Variants in GOLGA8H observed in about 807,000 individuals in gnomAD.
GOLGA8H encodes the protein golgin A8 family member H.
In GOLGA8H, 47 loss-of-function variants were observed where a neutral mutation model predicts 82.7. That is an observed-to-expected ratio of 0.57 (90% confidence interval 0.45 to 0.73). The LOEUF is 0.73. Among genes scored for constraint, GOLGA8H ranks in the 30% least tolerant of loss-of-function variants. The probability of loss-of-function intolerance (pLI) is 0.00; values close to 1 mark genes in which losing one functional copy is unlikely to be tolerated. For missense variants in GOLGA8H, 372 were observed against 661.0 expected (o/e 0.56, Z 4.79); for synonymous variants, 108 against 241.6 (o/e 0.45, Z 5.13).
rs759629113 is a variant in GOLGA8H, at chr15:30,605,931, C to G, written c.137C>G (p.Ala46Gly). The change falls in exon 2 of 19, where the codon GCC (alanine) becomes GGC (glycine). Residue 46 changes from alanine (A) to glycine (G), a missense_variant. Ala to Gly is a moderately conservative substitution (Grantham distance 60). Transcript: ENST00000566740. ...ACAAATGGCAGTGTCCCTGAGAAAG[C>G]CACTTCTGGTGGTTGCCAGCCACCT... ...RKTNGSVPEK[A>G]TSGGCQPPGD... The G allele has an allele frequency of 8.1e-6, 13 of 1,596,770 alleles. No individual in the cohort carries two copies. In the South Asian group the frequency reaches 1.0e-4, roughly 12 times the overall value.
Position 30,609,828 on chromosome 15 carries a change from G to C in GOLGA8H, c.614G>C (p.Arg205Pro), listed in dbSNP as rs764671073. ...CAGTTGTCCAGCCGCAGCAAAGCAC[G>C]TACGGAGTGGAAGTTAGAGCAGTCC... ...ANQLSSRSKA[R>P]TEWKLEQSMR... Residue 205 changes from arginine (R) to proline (P), a missense_variant, in exon 9 of 19, where the codon CGT (arginine) becomes CCT (proline). Coordinates refer to ENST00000566740, the MANE Select transcript of GOLGA8H (RefSeq NM_001282490.2). 2.5e-6 allele frequency: 4 copies of C among 1,588,940 alleles called. No individual in the cohort carries two copies. The Admixed American group carries it at 5.2e-5, about 21-fold the overall frequency.
intron 2 of GOLGA8H, among the ~76,000 whole-genome samples, chr15:30,606,367 A>G (rs2059924010): frequency 6.7e-6 from 1 of 150,196 alleles, no homozygotes; most frequent in African/African-American, 2.5e-5. Context: ...AAAAAAAAAA[A>G]AGGAATTCTG....
intron 2 of GOLGA8H, among the ~76,000 whole-genome samples, 163 bp downstream of exon 2, chr15:30,606,125 C>G (rs2059920473): frequency 6.6e-6 from 1 of 151,628 alleles, no homozygotes; most frequent in Non-Finnish European, 1.5e-5. Flanking sequence ...GAGGCCAAGG[C>G]AGGCGGATCA....
At chr15:30,609,965 C>G (rs770426752) in intron 9 of GOLGA8H, 34 bp from the exon 10 acceptor site, 22 of 1,606,622 alleles carry the variant, frequency 1.4e-5, no homozygotes, top group African/African-American at 4.0e-5. Flanking sequence ...GGACCAGTGA[C>G]AGCCCTTCCT....
intron 8 of GOLGA8H, 96 bp from the exon 9 acceptor site, chr15:30,609,710 A>T: frequency 6.6e-7 from 1 of 1,513,938 alleles, no homozygotes; most frequent in Non-Finnish European, 9.1e-7. Flanking sequence ...TTACTGACTG[A>T]GTTGTATATT....
chr15:30,606,364 A>C (rs1391652651), intron 2 of GOLGA8H, among the ~76,000 whole-genome samples: 1 of 150,452 alleles, frequency 6.6e-6, no homozygotes. Flanking sequence ...AAGAAAAAAA[A>C]AAAAGGAATT....
chr15:30,611,477 C>G (rs1053310923), intron 13 of GOLGA8H, 131 bp downstream of exon 13: 130 of 1,535,586 alleles, frequency 8.5e-5, no homozygotes, highest in Non-Finnish European at 1.1e-4. Flanking sequence ...CCCCGCAGGG[C>G]AGTCCTGTGA....
chr15:30,611,490 G>T, intron 13 of GOLGA8H, 144 bp downstream of exon 13: 1 of 1,522,598 alleles, frequency 6.6e-7, no homozygotes, highest in Admixed American at 2.0e-5. Context: ...TCCTGTGACT[G>T]TTTCTTGCTT....
In GOLGA8H at chr15:30,615,600, T is replaced by C. The variant is rs999665286; in HGVS notation, c.*1039T>C. 6.8e-6 allele frequency among the ~76,000 whole-genome samples: 1 copy of C among 146,184 alleles called. No homozygotes were observed. The highest frequency in any genetic ancestry group is 2.6e-5 in the African/African-American group (1 of 39,018). ...AAGAAATCCTTTATGAGTTCAAACG[T>C]CCCTGGAACAGGCATACAGGCTCTA... On this transcript the variant is annotated 3_prime_UTR_variant, in exon 19 of 19. Coordinates refer to ENST00000566740, the MANE Select transcript of GOLGA8H (RefSeq NM_001282490.2).
At chr15:30,606,480 A>T (rs868400399) in intron 2 of GOLGA8H, among the ~76,000 whole-genome samples, 8 of 150,796 alleles carry the variant, frequency 5.3e-5, no homozygotes, top group African/African-American at 1.5e-4. Context: ...AATAGAGGTG[A>T]TATTGTTTCA....
Position 30,609,048 on chromosome 15 carries a change from T to G in GOLGA8H, c.591+292T>G, listed in dbSNP as rs1476778376. On this transcript the variant is annotated intron_variant, in intron 8 of 18. Coordinates refer to ENST00000566740, the MANE Select transcript of GOLGA8H (RefSeq NM_001282490.2). ...AAGTCCTAGGTGGGGTATTGGGTACTTCTACTGTGAAGGTACAGAAGAGTA... is the reference window on the plus strand; with the variant it reads ...AAGTCCTAGGTGGGGTATTGGGTACGTCTACTGTGAAGGTACAGAAGAGTA... Among the ~76,000 whole-genome samples, 34 of 132,898 alleles carry G rather than the reference T, an allele frequency of 2.6e-4. No individual in the cohort carries two copies. The South Asian group carries it at 7.6e-3, about 30-fold the overall frequency. 87.2% of individuals were successfully genotyped at this position (132,898 alleles called of 152,430 possible).
chr15:30,608,864 T>C lies in GOLGA8H; in HGVS notation c.591+108T>C, dbSNP rs1343551053. ...GGCGTGTCCTGCCCAGAAGGCAGCATGGCCATTTCTTGCTACTTTTTTGTA... is the reference window on the plus strand; with the variant it reads ...GGCGTGTCCTGCCCAGAAGGCAGCACGGCCATTTCTTGCTACTTTTTTGTA... On this transcript the variant is annotated intron_variant, in intron 8 of 18. Coordinates refer to ENST00000566740, the MANE Select transcript of GOLGA8H (RefSeq NM_001282490.2). The C allele has an allele frequency of 6.5e-5, 64 of 981,902 alleles. 1 individual carries two copies. The South Asian group carries it at 7.7e-4, about 12-fold the overall frequency. 60.8% of individuals were successfully genotyped at this position (981,902 alleles called of 1,614,324 possible). A position where few individuals can be genotyped will look rare whatever the true frequency, so the allele number is the denominator to read the frequency against.
Position 30,608,699 on chromosome 15 carries a change from A to G in GOLGA8H, c.534A>G (p.Gly178=). 1 of 1,541,308 alleles carries G rather than the reference A, an allele frequency of 6.5e-7. No individual in the cohort carries two copies. Among genetic ancestry groups the G allele is most frequent in the Non-Finnish European group, 8.8e-7 (1 of 1,135,000 alleles). The change falls in exon 8 of 19, where the codon GGA becomes GGG. Residue 178 remains glycine, a synonymous_variant. Coordinates refer to ENST00000566740, the MANE Select transcript of GOLGA8H (RefSeq NM_001282490.2). ...VCLQHSLQRK[G]ELESVLSNVM... The stretch of plus-strand genomic sequence containing the variant: ...TGCAACATTCATTGCAGCGTAAAGG[A>G]GAGTTAGAGAGTGTTCTCTCTAATG...
At position 30,614,980 on chromosome 15, in the gene GOLGA8H, CT is replaced by C. The variant is rs1157582943; in HGVS notation, c.*420del. The stretch of plus-strand genomic sequence containing the variant: ...TCAGACAAAATTTGCCTATGTTCTG[CT>C]GTTGTTTGATCTAATCTTAATCACA... On this transcript the variant is annotated 3_prime_UTR_variant, in exon 19 of 19. Coordinates refer to ENST00000566740, the MANE Select transcript of GOLGA8H (RefSeq NM_001282490.2). Among the ~76,000 whole-genome samples the C allele has an allele frequency of 1.3e-5, 2 of 151,760 alleles. No homozygotes were observed. Among genetic ancestry groups the C allele is most frequent in the East Asian group, 3.9e-4 (2 of 5,136 alleles).
rs1327079291 is a variant in GOLGA8H, at chr15:30,614,568, C to A, written c.*7C>A. ...GCCAAGAAGAAGGAGATAAACATCA[C>A]CATCCTCAAAGAGCTGCTCAAGAAA... On this transcript the variant is annotated 3_prime_UTR_variant, in exon 19 of 19. Coordinates refer to ENST00000566740, the MANE Select transcript of GOLGA8H (RefSeq NM_001282490.2). 2.5e-6 allele frequency: 4 copies of A among 1,598,636 alleles called. 1 individual carries two copies. Among genetic ancestry groups the A allele is most frequent in the Non-Finnish European group, 2.5e-6 (3 of 1,179,358 alleles).
rs1433611921 is a variant in GOLGA8H at position 30,608,460 on chromosome 15, C to T, written c.397-7C>T. On this transcript the variant is annotated splice_region_variant and splice_polypyrimidine_tract_variant and intron_variant, in intron 6 of 18. Transcript: ENST00000566740. ...CTTTCAGCACTTGCTTGGCTTTTCT[C>T]CCAAAGGTTCAAATCCAGACATTGA... 2 of 1,609,566 alleles carry T rather than the reference C, an allele frequency of 1.2e-6. No individual in the cohort carries two copies. Among genetic ancestry groups the T allele is most frequent in the Middle Eastern group, 2.0e-4 (1 of 5,048 alleles).
rs770584655 is a variant in GOLGA8H, at chr15:30,608,600, T to C, written c.482-47T>C. 1.7e-5 allele frequency: 28 copies of C among 1,604,840 alleles called. 1 individual carries two copies. In the South Asian group the frequency reaches 3.0e-4, roughly 17 times the overall value. On this transcript the variant is annotated intron_variant, in intron 7 of 18. Transcript: ENST00000566740. ...TCCTTCAACCTGGCACTTTGACAGG[T>C]CTTCAGGGGGAGTCCTTTGGGCCCC...
Position 30,616,511 on chromosome 15 carries a change from TAAAG to T in GOLGA8H, c.*1954_*1957del, listed in dbSNP as rs1352472157. The stretch of plus-strand genomic sequence containing the variant: ...TTAGATAAACCCAGTTTCAGAATGA[TAAAG>T]AAAAAATCTTAGACCAAATAATGCG... On this transcript the variant is annotated 3_prime_UTR_variant, in exon 19 of 19. Transcript: ENST00000566740. Among the ~76,000 whole-genome samples the T allele has an allele frequency of 6.7e-6, 1 of 150,316 alleles. No individual in the cohort carries two copies. The highest frequency in any genetic ancestry group is 2.5e-5 in the African/African-American group (1 of 40,712).
chr15:30,605,721 G>C (rs1484859801), intron 1 of GOLGA8H, 122 bp from the exon 2 acceptor site: 2 of 1,510,052 alleles, frequency 1.3e-6, no homozygotes, highest in Admixed American at 4.0e-5. Flanking sequence ...ACAACACCTT[G>C]TACGGTTGTT....
Sources: gnomAD v4.1 joint callset for allele counts (sites outside exome capture counted in the v4.1 genomes callset) on GRCh38, gnomAD v4.1.1 for gene constraint, MANE v1.5 for transcripts, NCBI Gene and HGNC (gene_info 2026-07-23, HGNC 2026-07-21) for gene names.